MED12L: variants seen among roughly 807,000 people sequenced by gnomAD.
MED12L encodes mediator of RNA polymerase II transcription subunit 12-like protein.
Under a neutral mutation model 281.3 loss-of-function variants are expected in MED12L, and 60 were observed. The observed-to-expected ratio is 0.21, with a 90% CI of 0.17 to 0.26. The LOEUF (loss-of-function observed/expected upper bound fraction) is 0.26. MED12L is among the 10% of genes least tolerant of loss of function. The pLI is 1.00. For synonymous variants in MED12L, 974 were observed against 987.2 expected, an observed-to-expected ratio of 0.99 and a Z score of 0.25; for missense variants, 2,146 against 2,680.9, an observed-to-expected ratio of 0.80 and a Z score of 4.41.
intron 17 of MED12L, 105 bp downstream of exon 17, chr3:151,350,311 C>T (rs781720392): frequency 9.4e-6 from 10 of 1,059,246 alleles, no homozygotes; most frequent in Non-Finnish European, 1.3e-5. Flanking sequence ...GAGCGTTTCC[C>T]CTCCTGAATG....
At chr3:151,216,995 C>G (rs1293494262) in intron 16 of MED12L, among the ~76,000 whole-genome samples, 1 of 152,120 alleles carries the variant, frequency 6.6e-6, no homozygotes, top group Admixed American at 6.6e-5. Flanking sequence ...CAGCGCCTGG[C>G]CATTGTGGTG....
intron 2 of MED12L, among the ~76,000 whole-genome samples, chr3:151,096,657 G>C (rs577891103): frequency 3.4e-5 from 5 of 148,284 alleles, no homozygotes; most frequent in African/African-American, 4.9e-5. Flanking sequence ...CTGCTATTTT[G>C]GGGGGGGAAG....
intron 11 of MED12L, among the ~76,000 whole-genome samples, chr3:151,166,706 C>T (rs534502441): frequency 6.6e-6 from 1 of 151,404 alleles, no homozygotes; most frequent in Admixed American, 6.6e-5. Context: ...GACAGAGTCT[C>T]ACACTGTCAC....
rs550714349 is a variant in MED12L at position 151,434,431 on chromosome 3, C to T, written c.*1627C>T. ...GTGAAAATATTTCACTCCAGCCTGCCCATTTTGTGTTTACTCTGGGCTGGA... is the reference window on the plus strand; with the variant it reads ...GTGAAAATATTTCACTCCAGCCTGCTCATTTTGTGTTTACTCTGGGCTGGA... On this transcript the variant is annotated 3_prime_UTR_variant, in exon 45 of 45. Transcript: ENST00000687756. 5.3e-5 allele frequency: 8 copies of T among 152,268 alleles called. No individual in the cohort carries two copies. The highest frequency in any genetic ancestry group is 1.9e-4 in the African/African-American group (8 of 41,560). 9.4% of individuals were successfully genotyped at this position (152,268 alleles called of 1,614,324 possible).
intron 14 of MED12L, among the ~76,000 whole-genome samples, chr3:151,191,315 T>C (rs994392973): frequency 1.3e-5 from 2 of 152,272 alleles, no homozygotes; most frequent in African/African-American, 4.8e-5. Flanking sequence ...GTCTTTTCCC[T>C]AATGTATCAT....
intron 23 of MED12L, 64 bp downstream of exon 23, chr3:151,366,055 T>C: frequency 7.5e-7 from 1 of 1,332,710 alleles, no homozygotes; most frequent in Non-Finnish European, 9.9e-7. Context: ...GTGGGTAATC[T>C]TTTTGCTTTT....
At chr3:151,414,326 CACTT>C (rs1717307044) in intron 42 of MED12L, among the ~76,000 whole-genome samples, 1 of 152,170 alleles carries the variant, frequency 6.6e-6, no homozygotes, top group African/African-American at 2.4e-5. Context: ...TTGAGATACA[CACTT>C]ACTTTATATA....
chr3:151,350,563 G>T (rs562154676), intron 17 of MED12L, among the ~76,000 whole-genome samples: 1 of 152,230 alleles, frequency 6.6e-6, no homozygotes, highest in East Asian at 1.9e-4. Context: ...GTCTGGAAGA[G>T]ATCCATTTCT....
Position 151,367,717 on chromosome 3 carries a change from C to A in MED12L, c.3399C>A (p.Ser1133=). 5.0e-6 allele frequency: 8 copies of A among 1,610,308 alleles called. No individual in the cohort carries two copies. The highest frequency in any genetic ancestry group is 6.8e-6 in the Non-Finnish European group (8 of 1,177,634). ...TTCTGATAGCACGACAGTGTTTTTC[C>A]CTGGAGGACGTCGTGCAGCATGTCG... The part of the protein sequence containing the change: ...IAILIARQCF[S]LEDVVQHVAL... The change falls in exon 24 of 45, where the codon TCC becomes TCA. Residue 1133 remains serine (S), a synonymous_variant. Transcript: ENST00000687756.
chr3:151,293,638 TACACACACACACACACACACAC>T (rs199892582), intron 16 of MED12L, among the ~76,000 whole-genome samples: 12 of 99,670 alleles, frequency 1.2e-4, no homozygotes, highest in African/African-American at 1.6e-4. Flanking sequence ...ATGAAGCCCT[TACACACACACACACACACACAC>T]ACACACACAC....
chr3:151,202,161 T>G (rs893625875), intron 16 of MED12L, among the ~76,000 whole-genome samples: 1 of 152,250 alleles, frequency 6.6e-6, no homozygotes, highest in Non-Finnish European at 1.5e-5. Context: ...CAAATCTGTT[T>G]ATTTAAAATT....
Position 151,337,362 on chromosome 3 carries a change from T to C in MED12L, c.2251-12697T>C, listed in dbSNP as rs528312582. On this transcript the variant is annotated intron_variant, in intron 16 of 44. Coordinates refer to ENST00000687756, the MANE Select transcript of MED12L (RefSeq NM_001393769.1). ...AAATTTTTATAAGTATCCCAATAGGTCAGGATTTGGTTAGGGGACTAGGAT... is the reference window on the plus strand; with the variant it reads ...AAATTTTTATAAGTATCCCAATAGGCCAGGATTTGGTTAGGGGACTAGGAT... The C allele has an allele frequency of 3.8e-5, 6 of 158,086 alleles. No homozygotes were observed. The South Asian group carries it at 1.1e-3, about 29-fold the overall frequency. 9.8% of individuals were successfully genotyped at this position (158,086 alleles called of 1,614,324 possible). A position where few individuals can be genotyped will look rare whatever the true frequency, so the allele number is the denominator to read the frequency against.
At chr3:151,164,471 C>G (rs184994902) in intron 9 of MED12L, among the ~76,000 whole-genome samples, 1 of 152,034 alleles carries the variant, frequency 6.6e-6, no homozygotes, top group East Asian at 1.9e-4. Context: ...ACTAGAAATA[C>G]CATTTGACCC....
intron 16 of MED12L, among the ~76,000 whole-genome samples, chr3:151,245,074 A>G (rs182076298): frequency 0.058 from 8,887 of 152,310 alleles, 356 homozygotes; most frequent in Non-Finnish European, 0.093. Context: ...ACCAGGAAGA[A>G]GTTGAATCTC....
intron 16 of MED12L, among the ~76,000 whole-genome samples, chr3:151,331,483 G>A (rs1750347681): frequency 6.6e-6 from 1 of 152,156 alleles, no homozygotes; most frequent in Non-Finnish European, 1.5e-5. Context: ...GTTGTTAAAA[G>A]AATAAAATGA....
chr3:151,264,498 T>C (rs974351852), intron 16 of MED12L, among the ~76,000 whole-genome samples: 10 of 152,268 alleles, frequency 6.6e-5, no homozygotes, highest in African/African-American at 2.2e-4. Context: ...TGGTTTATGA[T>C]TGTGTAAAGC....
intron 11 of MED12L, among the ~76,000 whole-genome samples, chr3:151,181,770 G>A (rs142122055): frequency 1.3e-5 from 2 of 151,748 alleles, no homozygotes; most frequent in Non-Finnish European, 2.9e-5. Flanking sequence ...ATTTTTAGTA[G>A]AGATGGTGTT....
intron 5 of MED12L, among the ~76,000 whole-genome samples, chr3:151,141,461 G>C (rs1467348562): frequency 1.3e-5 from 2 of 152,106 alleles, no homozygotes; most frequent in Non-Finnish European, 2.9e-5. Flanking sequence ...CCAAATGGGG[G>C]CTGTGCTGTT....
chr3:151,102,141 GTCT>G (rs757362906), intron 2 of MED12L, among the ~76,000 whole-genome samples: 42 of 152,140 alleles, frequency 2.8e-4, no homozygotes, highest in Admixed American at 1.5e-3. Flanking sequence ...TTACTTGAAG[GTCT>G]TATTATTAAA....
Sources: allele counts gnomAD v4.1 joint callset (sites outside exome capture counted in the v4.1 genomes callset), GRCh38; gene constraint gnomAD v4.1.1; transcripts MANE v1.5; gene names NCBI Gene and HGNC (gene_info 2026-07-23, HGNC 2026-07-21).